The following SEM1 variants were observed in gnomAD, a reference collection of about 807,000 sequenced individuals.
The protein encoded by SEM1 is 26S proteasome complex subunit SEM1.
In SEM1, 3 loss-of-function variants were observed where a neutral mutation model predicts 12.7. The observed-to-expected ratio is 0.24, with a 90% confidence interval of 0.11 to 0.61. The LOEUF is 0.61. Among genes scored for constraint, SEM1 ranks in the 20% least tolerant of loss-of-function variants. SEM1 has a pLI of 0.88. For synonymous variants in SEM1, 30 were observed against 27.8 expected, an observed-to-expected ratio of 1.08 and a Z score of -0.25; for missense variants, 59 against 81.3, an observed-to-expected ratio of 0.73 and a Z score of 1.06.
downstream of SEM1, among the ~76,000 whole-genome samples, chr7:96,671,406 G>A (rs1224783234): frequency 2.0e-5 from 3 of 152,050 alleles, no homozygotes; most frequent in African/African-American, 4.8e-5. Context: ...TGACATTTAT[G>A]AAGAACTTTA....
At chr7:96,699,874 A>C (rs1305830002) in intron 1 of SEM1, among the ~76,000 whole-genome samples, 2 of 152,154 alleles carry the variant, frequency 1.3e-5, no homozygotes, top group Non-Finnish European at 2.9e-5. Flanking sequence ...AAACACTTCC[A>C]AAATACTAAA....
At chr7:96,599,512 G>GAAC (rs1807125323) in intron 2 of SEM1, among the ~76,000 whole-genome samples, 1 of 152,154 alleles carries the variant, frequency 6.6e-6, no homozygotes, top group Admixed American at 6.5e-5. Flanking sequence ...TGATGAGACT[G>GAAC]GTATCAGGTT....
chr7:96,510,926 C>A (rs1318183363), intron 2 of SEM1, among the ~76,000 whole-genome samples: 1 of 152,058 alleles, frequency 6.6e-6, no homozygotes, highest in Non-Finnish European at 1.5e-5. Flanking sequence ...AGCTGATTGA[C>A]CCTCAGTAAC....
intron 2 of SEM1, among the ~76,000 whole-genome samples, chr7:96,548,140 GTAGT>G (rs1363407802): frequency 6.6e-6 from 1 of 152,218 alleles, no homozygotes; most frequent in East Asian, 1.9e-4. Flanking sequence ...CATAATGTTT[GTAGT>G]TAGTTATAAT....
intron 2 of SEM1, among the ~76,000 whole-genome samples, chr7:96,642,597 A>G (rs553325125): frequency 6.6e-6 from 1 of 150,942 alleles, no homozygotes; most frequent in Non-Finnish European, 1.5e-5. Context: ...GCACCAAGCT[A>G]TGATTTTTTT....
At chr7:96,488,713 C>T (rs1015902777) in intron 1 of SEM1, among the ~76,000 whole-genome samples, 38 of 152,202 alleles carry the variant, frequency 2.5e-4, no homozygotes, top group Middle Eastern at 3.4e-3. Flanking sequence ...ATTTTACCAA[C>T]GCTTTTCATC....
downstream of SEM1, among the ~76,000 whole-genome samples, chr7:96,670,338 G>C (rs1315861136): frequency 6.6e-6 from 1 of 151,820 alleles, no homozygotes; most frequent in Non-Finnish European, 1.5e-5. Context: ...CTTAGCTTTG[G>C]GAAAAACATA....
chr7:96,551,248 T>G (rs1190303086), intron 2 of SEM1, among the ~76,000 whole-genome samples: 2 of 152,162 alleles, frequency 1.3e-5, no homozygotes, highest in Non-Finnish European at 2.9e-5. Flanking sequence ...GGTTGAATGG[T>G]GCACCCTTCC....
At chr7:96,483,753 A>G in exon 4 of SEM1, 1 of 1,403,546 alleles carries the variant, frequency 7.1e-7, no homozygotes, top group Non-Finnish European at 9.7e-7. Context: ...TAGTTCTACC[A>G]TGTGCCTTGA....
intron 2 of SEM1, among the ~76,000 whole-genome samples, chr7:96,679,515 T>C (rs1190632603): frequency 6.6e-6 from 1 of 152,244 alleles, no homozygotes; most frequent in African/African-American, 2.4e-5. Flanking sequence ...GTTGAAGTTA[T>C]TGAGCTTTAA....
chr7:96,601,628 G>A (rs930222649), intron 2 of SEM1, among the ~76,000 whole-genome samples: 4 of 152,152 alleles, frequency 2.6e-5, no homozygotes, highest in Non-Finnish European at 5.9e-5. Context: ...GGACTGGATG[G>A]TGTAGGGCCT....
intron 2 of SEM1, among the ~76,000 whole-genome samples, chr7:96,532,739 T>G (rs940604782): frequency 6.6e-6 from 1 of 152,138 alleles, no homozygotes; most frequent in African/African-American, 2.4e-5. Flanking sequence ...CAAAATGCAT[T>G]ATCGTACTTG....
chr7:96,632,310 C>CCCAT (rs1212215336), intron 2 of SEM1, among the ~76,000 whole-genome samples: 1 of 152,098 alleles, frequency 6.6e-6, no homozygotes, highest in Non-Finnish European at 1.5e-5. Flanking sequence ...AAGCAAAATA[C>CCCAT]CCATCAGTGA....
intron 2 of SEM1, among the ~76,000 whole-genome samples, chr7:96,634,107 A>G (rs1039433669): frequency 2.0e-5 from 3 of 152,166 alleles, no homozygotes; most frequent in African/African-American, 7.2e-5. Flanking sequence ...TGACTTAACA[A>G]GAAACACACA....
At position 96,650,783 on chromosome 7, in the gene SEM1, T is replaced by A. The variant is rs181746687; in HGVS notation, c.171-28140A>T. Among the ~76,000 whole-genome samples, 859 of 152,286 alleles carry A rather than the reference T, an allele frequency of 5.6e-3. 7 individuals carry two copies. The highest frequency in any genetic ancestry group is 0.019 in the African/African-American group (792 of 41,550). Reference sequence around the variant, plus strand: ...AAAATATATAAATTTCTCTCTTTTTTAAATATCTTTAGACAGTGACCTTTT... The same window carrying A: ...AAAATATATAAATTTCTCTCTTTTTAAAATATCTTTAGACAGTGACCTTTT... On this transcript the variant is annotated intron_variant, in intron 2 of 2. Transcript: ENST00000417009.
At chr7:96,494,394 G>A (rs1168677284) in intron 1 of SEM1, among the ~76,000 whole-genome samples, 1 of 152,092 alleles carries the variant, frequency 6.6e-6, no homozygotes, top group African/African-American at 2.4e-5. Context: ...TGTAAAGTTT[G>A]GGAGCTTTTC....
intron 2 of SEM1, among the ~76,000 whole-genome samples, chr7:96,590,099 C>A (rs1806781081): frequency 6.6e-6 from 1 of 151,856 alleles, no homozygotes; most frequent in Non-Finnish European, 1.5e-5. Context: ...CTCATATTTC[C>A]CCAATATCAA....
At chr7:96,586,075 G>C (rs1806624269) in intron 2 of SEM1, among the ~76,000 whole-genome samples, 1 of 152,200 alleles carries the variant, frequency 6.6e-6, no homozygotes, top group African/African-American at 2.4e-5. Context: ...CTGGGCTCAA[G>C]TGATCCTCTC....
intron 2 of SEM1, among the ~76,000 whole-genome samples, chr7:96,665,409 T>C (rs1456226817): frequency 6.6e-6 from 1 of 152,194 alleles, no homozygotes. Flanking sequence ...CTCATTCCTG[T>C]TCATTGTTGA....
Sources: allele counts gnomAD v4.1 joint callset (sites outside exome capture counted in the v4.1 genomes callset), GRCh38; gene constraint gnomAD v4.1.1; transcripts MANE v1.5; gene names NCBI Gene and HGNC (gene_info 2026-07-23, HGNC 2026-07-21).